The following CDH13 variants were observed in gnomAD, a reference collection of about 807,000 sequenced individuals.
CDH13 encodes the protein cadherin-13.
CDH13 carries 24 observed loss-of-function variants against 63.8 expected under a neutral mutation model. The ratio of observed to expected loss-of-function variants is 0.38; its 90% CI spans 0.27 to 0.53. The LOEUF is 0.53. Ranked by LOEUF, CDH13 falls within the 20% of genes least tolerant of loss-of-function variation. The pLI, the probability that CDH13 is intolerant of heterozygous loss-of-function variation, is 0.85. For synonymous variants in CDH13, 503 were observed against 355.3 expected (o/e 1.42, Z -4.67); for missense variants, 1,049 against 903.1 (o/e 1.16, Z -2.07).
At chr16:83,002,251 G>A (rs1913016693) in intron 2 of CDH13, among the ~76,000 whole-genome samples, 1 of 152,212 alleles carries the variant, frequency 6.6e-6, no homozygotes, top group African/African-American at 2.4e-5. Flanking sequence ...ATTGACATGT[G>A]TGCTTTTAAG....
chr16:83,528,016 G>C (rs2075001697), intron 7 of CDH13, among the ~76,000 whole-genome samples: 1 of 152,188 alleles, frequency 6.6e-6, no homozygotes, highest in Non-Finnish European at 1.5e-5. Context: ...GGGAAGGCCA[G>C]GGCTAGACAA....
intron 11 of CDH13, among the ~76,000 whole-genome samples, chr16:83,761,229 C>T (rs1430176896): frequency 6.6e-6 from 1 of 152,144 alleles, no homozygotes; most frequent in African/African-American, 2.4e-5. Context: ...TTGCTTGGGG[C>T]CCCAGAGCTA....
At chr16:82,977,672 T>C (rs917323814) in intron 2 of CDH13, among the ~76,000 whole-genome samples, 2 of 152,188 alleles carry the variant, frequency 1.3e-5, no homozygotes, top group African/African-American at 4.8e-5. Flanking sequence ...GTCTCAGGTA[T>C]GTCTTTATTA....
intron 2 of CDH13, among the ~76,000 whole-genome samples, chr16:83,006,514 G>A (rs768454076): frequency 1.2e-4 from 19 of 152,054 alleles, no homozygotes; most frequent in Non-Finnish European, 2.2e-4. Context: ...CTAGCCAAGC[G>A]CTTGACTGCT....
At chr16:83,288,310 A>G (rs1023194954) in intron 5 of CDH13, among the ~76,000 whole-genome samples, 5 of 152,174 alleles carry the variant, frequency 3.3e-5, no homozygotes, top group African/African-American at 9.7e-5. Context: ...AGTCCCAACA[A>G]TCTTGTTCCA....
Position 83,311,335 on chromosome 16 carries a change from A to T in CDH13, c.637-33527A>T, listed in dbSNP as rs201439581. On this transcript the variant is annotated intron_variant, in intron 5 of 13. Coordinates refer to ENST00000567109, the MANE Select transcript of CDH13 (RefSeq NM_001257.5). Reference sequence around the variant, plus strand: ...TGCAGCAAGGAGATTGTTAAAAAAAAAAAATTAAAAAGTAAAAGTCGTTAT... The same window carrying T: ...TGCAGCAAGGAGATTGTTAAAAAAATAAAATTAAAAAGTAAAAGTCGTTAT... Among the ~76,000 whole-genome samples the T allele has an allele frequency of 5.2e-4, 79 of 152,364 alleles. No homozygotes were observed. The East Asian group carries it at 0.013, about 25-fold the overall frequency.
rs540444940 is a variant in CDH13 at position 83,208,630 on chromosome 16, A to C, written c.484-8715A>C. ...AACTGAAAATATTATAAGGTGAAGGAAAAAGTATTACACCTACCTTCATCC... is the reference window on the plus strand; with the variant it reads ...AACTGAAAATATTATAAGGTGAAGGCAAAAGTATTACACCTACCTTCATCC... On this transcript the variant is annotated intron_variant, in intron 4 of 13. Transcript: ENST00000567109. Among the ~76,000 whole-genome samples the C allele has an allele frequency of 3.3e-5, 5 of 152,354 alleles. No homozygotes were observed. In the East Asian group the frequency reaches 9.7e-4, roughly 29 times the overall value.
chr16:83,695,145 T>C (rs996851863), intron 10 of CDH13, among the ~76,000 whole-genome samples: 2 of 152,126 alleles, frequency 1.3e-5, no homozygotes, highest in African/African-American at 2.4e-5. Context: ...AGGTGGAGAT[T>C]GCAGTGAGCC....
intron 1 of CDH13, among the ~76,000 whole-genome samples, chr16:82,746,881 A>G (rs1378473478): frequency 1.3e-5 from 2 of 152,202 alleles, no homozygotes; most frequent in African/African-American, 4.8e-5. Context: ...TCCCTGGAAT[A>G]TTAAAACAAT....
At chr16:83,221,268 C>T (rs1203450163) in intron 5 of CDH13, among the ~76,000 whole-genome samples, 2 of 152,098 alleles carry the variant, frequency 1.3e-5, no homozygotes, top group Non-Finnish European at 2.9e-5. Flanking sequence ...TTTTTAAAAA[C>T]CATCCATTTC....
At chr16:82,798,766 G>A (rs968697832) in intron 1 of CDH13, among the ~76,000 whole-genome samples, 1 of 152,124 alleles carries the variant, frequency 6.6e-6, no homozygotes, top group African/African-American at 2.4e-5. Context: ...CTGGGGGTTG[G>A]TGTCTTTGCT....
At chr16:83,230,413 A>C (rs1567523923) in intron 5 of CDH13, among the ~76,000 whole-genome samples, 1 of 152,188 alleles carries the variant, frequency 6.6e-6, no homozygotes, top group Non-Finnish European at 1.5e-5. Flanking sequence ...AAGAAGTTCT[A>C]GATCATACTG....
At chr16:83,127,520 A>G (rs565797186) in intron 4 of CDH13, among the ~76,000 whole-genome samples, 30 of 152,272 alleles carry the variant, frequency 2.0e-4, no homozygotes, top group Admixed American at 6.5e-4. Flanking sequence ...ACCCGAGGTC[A>G]GGAGTTCAAG....
At chr16:83,356,391 C>A (rs919601912) in intron 6 of CDH13, among the ~76,000 whole-genome samples, 2 of 152,174 alleles carry the variant, frequency 1.3e-5, no homozygotes, top group East Asian at 3.9e-4. Context: ...AGATTCTCCC[C>A]CTAGCGGTAG....
intron 1 of CDH13, among the ~76,000 whole-genome samples, chr16:82,792,725 CTCTTA>C (rs1446245761): frequency 2.6e-5 from 4 of 152,178 alleles, no homozygotes; most frequent in African/African-American, 9.7e-5. Context: ...TCTTGTGTTC[CTCTTA>C]TCTTGTCACA....
At chr16:83,279,644 A>T (rs1050945762) in intron 5 of CDH13, among the ~76,000 whole-genome samples, 4 of 152,206 alleles carry the variant, frequency 2.6e-5, no homozygotes, top group African/African-American at 9.7e-5. Flanking sequence ...ACAATCGGCT[A>T]TACATCTGGG....
intron 10 of CDH13, among the ~76,000 whole-genome samples, chr16:83,679,040 G>A (rs894813327): frequency 2.6e-5 from 4 of 152,092 alleles, no homozygotes; most frequent in Admixed American, 6.5e-5. Flanking sequence ...TCACTTCCTG[G>A]TGCTTGGAAA....
intron 1 of CDH13, among the ~76,000 whole-genome samples, chr16:82,698,121 T>G (rs1416185636): frequency 6.6e-6 from 1 of 152,222 alleles, no homozygotes; most frequent in Non-Finnish European, 1.5e-5. Flanking sequence ...TTCTAACTGT[T>G]GCTGTAGGCC....
At position 83,066,434 on chromosome 16, in the gene CDH13, C is replaced by G. The variant is rs141828149; in HGVS notation, c.366+34216C>G. Among the ~76,000 whole-genome samples the G allele has an allele frequency of 1.6e-3, 244 of 152,294 alleles. 1 individual carries two copies. The highest frequency in any genetic ancestry group is 0.013 in the South Asian group (65 of 4,822). On this transcript the variant is annotated intron_variant, in intron 3 of 13. Coordinates refer to ENST00000567109, the MANE Select transcript of CDH13 (RefSeq NM_001257.5). ...AAAAGGCAACGAGTTGGTTGCCCAA[C>G]CAAGCTGGGAGGCCTTCTGACCGAG...
Sources: allele counts gnomAD v4.1 joint callset (sites outside exome capture counted in the v4.1 genomes callset), GRCh38; gene constraint gnomAD v4.1.1; transcripts MANE v1.5; gene names NCBI Gene and HGNC (gene_info 2026-07-23, HGNC 2026-07-21).